Variants in MAST4 observed in about 807,000 individuals in gnomAD.
The protein encoded by MAST4 is microtubule associated serine/threonine kinase family member 4.
MAST4 carries 89 observed loss-of-function variants against 162.7 expected under a neutral mutation model. That is an observed-to-expected ratio of 0.55 (90% CI 0.46 to 0.65). MAST4 has a LOEUF of 0.65. Among genes scored for constraint, MAST4 ranks in the 30% least tolerant of loss-of-function variants. The pLI is 0.00. For synonymous variants in MAST4, 1,479 were observed against 1,361.1 expected (o/e 1.09, Z -1.91); for missense variants, 3,153 against 3,374.0 (o/e 0.93, Z 1.62).
intron 4 of MAST4, among the ~76,000 whole-genome samples, chr5:67,053,443 G>A (rs1758423531): frequency 6.6e-6 from 1 of 152,198 alleles, no homozygotes; most frequent in South Asian, 2.1e-4. Context: ...GCAGCACAGT[G>A]TAGGAGGATA....
At chr5:67,110,351 A>G (rs1487853417) in intron 11 of MAST4, among the ~76,000 whole-genome samples, 152 bp downstream of exon 11, 2 of 152,334 alleles carry the variant, frequency 1.3e-5, no homozygotes, top group African/African-American at 2.4e-5. Context: ...TGATGTCGAT[A>G]TGTGACTTGT....
intron 2 of MAST4, among the ~76,000 whole-genome samples, chr5:66,768,296 G>A (rs750909292): frequency 2.0e-5 from 3 of 152,202 alleles, no homozygotes; most frequent in Non-Finnish European, 2.9e-5. Flanking sequence ...TGAAGAAGGT[G>A]TTTGGAGGAA....
intron 4 of MAST4, among the ~76,000 whole-genome samples, chr5:67,000,932 T>C (rs1360578337): frequency 6.6e-6 from 1 of 152,212 alleles, no homozygotes; most frequent in Non-Finnish European, 1.5e-5. Context: ...TGTTTTTTAG[T>C]TTCATTTACC....
At chr5:66,753,576 A>C (rs537485073) in intron 1 of MAST4, among the ~76,000 whole-genome samples, 3 of 151,946 alleles carry the variant, frequency 2.0e-5, no homozygotes, top group Middle Eastern at 3.4e-3. Context: ...TCCTCAATGC[A>C]TACACCCTCC....
intron 26 of MAST4, among the ~76,000 whole-genome samples, chr5:67,154,587 G>A (rs150573858): frequency 4.6e-5 from 7 of 152,284 alleles, no homozygotes; most frequent in African/African-American, 1.7e-4. Context: ...CATTTCTATT[G>A]TCTTGCCCTC....
intron 2 of MAST4, 108 bp from the exon 3 acceptor site, chr5:66,788,562 A>C: frequency 1.5e-6 from 2 of 1,329,324 alleles, no homozygotes; most frequent in Non-Finnish European, 2.1e-6. Context: ...GGCAGAAGTA[A>C]TACAGAACAA....
Position 67,021,842 on chromosome 5 carries a change from TGAG to T in MAST4, c.675-32558_675-32556del, listed in dbSNP as rs553806047. On this transcript the variant is annotated intron_variant, in intron 4 of 28. Coordinates refer to ENST00000403625, the MANE Select transcript of MAST4 (RefSeq NM_001164664.2). ...ATATTTTTTATTTTAAAAAATGTAT[TGAG>T]GAGTCATTTTTCAGGATACTAAAAG... is the stretch of plus-strand genomic sequence containing the variant. Among the ~76,000 whole-genome samples the T allele has an allele frequency of 8.3e-4, 127 of 152,308 alleles. 3 individuals carry two copies. The South Asian group carries it at 0.021, about 25-fold the overall frequency.
At position 67,165,352 on chromosome 5, in the gene MAST4, ACTC is replaced by A. The variant is rs754694321; in HGVS notation, c.6177_6179del (p.Ser2060del). The A allele has an allele frequency of 1.8e-4, 284 of 1,613,344 alleles. 5 individuals carry two copies. In the East Asian group the frequency reaches 6.1e-3, roughly 35 times the overall value. ...GAGGCGAGGCCCCCGCCCAGAGACA[ACTC>A]CTCTCTGCACTCAGCTGGAATTCCC... is the stretch of plus-strand genomic sequence containing the variant. On this transcript the variant is annotated inframe_deletion, in exon 29 of 29. Coordinates refer to ENST00000403625, the MANE Select transcript of MAST4 (RefSeq NM_001164664.2).
At chr5:66,805,640 C>G (rs372959934) in intron 3 of MAST4, among the ~76,000 whole-genome samples, 21 of 152,286 alleles carry the variant, frequency 1.4e-4, no homozygotes, top group Admixed American at 5.2e-4. Context: ...AGCTCCTAGC[C>G]TGGGCACTGC....
At chr5:66,695,691 G>C (rs1749355703) in intron 1 of MAST4, among the ~76,000 whole-genome samples, 2 of 152,092 alleles carry the variant, frequency 1.3e-5, no homozygotes, top group African/African-American at 4.8e-5. Context: ...ATTTTAAAAA[G>C]TGAAGAAACA....
At chr5:66,616,038 TTC>T (rs1434155119) in intron 1 of MAST4, among the ~76,000 whole-genome samples, 1 of 152,242 alleles carries the variant, frequency 6.6e-6, no homozygotes, top group Non-Finnish European at 1.5e-5. Context: ...GCTTGTCTTA[TTC>T]ATCTTCATAG....
intron 3 of MAST4, among the ~76,000 whole-genome samples, chr5:66,879,898 A>G (rs186712890): frequency 6.6e-6 from 1 of 152,352 alleles, no homozygotes; most frequent in Admixed American, 6.5e-5. Context: ...ATCAAAATAC[A>G]TGTACCTTTT....
At chr5:66,999,253 G>C (rs1471509640) in intron 4 of MAST4, among the ~76,000 whole-genome samples, 1 of 152,186 alleles carries the variant, frequency 6.6e-6, no homozygotes, top group African/African-American at 2.4e-5. Context: ...AAGCTATGGG[G>C]CTTCTCCCAG....
chr5:66,862,012 C>G (rs28102), intron 3 of MAST4, among the ~76,000 whole-genome samples: 10 of 152,074 alleles, frequency 6.6e-5, no homozygotes, highest in African/African-American at 2.4e-4. Flanking sequence ...TACCCCAATC[C>G]GCAAAGCCAG....
rs529580668 is a variant in MAST4, at chr5:67,097,880, C to T, written c.912+2205C>T. 5.9e-5 allele frequency among the ~76,000 whole-genome samples: 9 copies of T among 152,086 alleles called. No individual in the cohort carries two copies. In the South Asian group the frequency reaches 1.0e-3, roughly 18 times the overall value. ...ATTGATTGTTGATAAAAGTGATGAG[C>T]GAAAACTAGGAAAGCTACTTCTCTA... On this transcript the variant is annotated intron_variant, in intron 7 of 28. Transcript: ENST00000403625.
At chr5:67,136,296 G>A (rs375502653) in intron 18 of MAST4, among the ~76,000 whole-genome samples, 6 of 152,280 alleles carry the variant, frequency 3.9e-5, no homozygotes, top group African/African-American at 1.4e-4. Flanking sequence ...CATTTAAAAA[G>A]CAAATTAAAG....
At chr5:66,804,035 T>C (rs578094502) in intron 3 of MAST4, among the ~76,000 whole-genome samples, 2 of 152,152 alleles carry the variant, frequency 1.3e-5, no homozygotes, top group African/African-American at 4.8e-5. Flanking sequence ...TCTACATTTA[T>C]TGATGGCCAT....
At chr5:66,870,946 A>G in intron 3 of MAST4, 2 of 436,940 alleles carry the variant, frequency 4.6e-6, no homozygotes, top group Non-Finnish European at 9.3e-6. Flanking sequence ...ATGCTGGTAT[A>G]TTCCAGGGCT....
chr5:66,767,183 G>GTGTGTT (rs1230538113), intron 2 of MAST4, among the ~76,000 whole-genome samples: 1 of 148,524 alleles, frequency 6.7e-6, no homozygotes, highest in Non-Finnish European at 1.5e-5. Flanking sequence ...GTGTGTGTGT[G>GTGTGTT]TGTGTGTGTG....
Sources: gnomAD v4.1 joint callset for allele counts (sites outside exome capture counted in the v4.1 genomes callset) on GRCh38, gnomAD v4.1.1 for gene constraint, MANE v1.5 for transcripts, NCBI Gene and HGNC (gene_info 2026-07-23, HGNC 2026-07-21) for gene names.